The following DENND5B variants were observed in gnomAD, a reference collection of about 807,000 sequenced individuals.
DENND5B encodes DENN domain containing 5B, also known as DENN domain-containing protein 5B.
A neutral mutation model predicts 140.6 loss-of-function variants in DENND5B; 34 were observed. The ratio of observed to expected loss-of-function variants is 0.24; its 90% CI spans 0.18 to 0.32. The LOEUF (loss-of-function observed/expected upper bound fraction) is 0.32. Among genes scored for constraint, DENND5B ranks in the 10% least tolerant of loss-of-function variants. The pLI, the probability that DENND5B is intolerant of heterozygous loss-of-function variation, is 1.00. For synonymous variants in DENND5B, 551 were observed against 562.1 expected (o/e 0.98, Z 0.28); for missense variants, 1,142 against 1,560.2 (o/e 0.73, Z 4.52).
At chr12:31,517,621 G>T (rs1386217542) in intron 1 of DENND5B, among the ~76,000 whole-genome samples, 2 of 152,178 alleles carry the variant, frequency 1.3e-5, no homozygotes, top group African/African-American at 2.4e-5. Flanking sequence ...GTCTGTAAAA[G>T]AATTCACCTC....
chr12:31,495,710 G>T, intron 2 of DENND5B, 100 bp downstream of exon 2: 1 of 928,638 alleles, frequency 1.1e-6, no homozygotes, highest in South Asian at 2.0e-5. Flanking sequence ...AAGAATAAAT[G>T]AAATGAAATA....
At chr12:31,574,636 GA>G (rs1381818804) in intron 1 of DENND5B, among the ~76,000 whole-genome samples, 1 of 152,006 alleles carries the variant, frequency 6.6e-6, no homozygotes, top group Non-Finnish European at 1.5e-5. Flanking sequence ...GGGAATTTTG[GA>G]ATCACCAGTA....
In DENND5B at chr12:31,424,521, C is replaced by T. The variant is rs967306884; in HGVS notation, c.2391+14G>A. 1.2e-5 allele frequency: 19 copies of T among 1,611,184 alleles called. No individual in the cohort carries two copies. Among genetic ancestry groups the T allele is most frequent in the Non-Finnish European group, 1.4e-5 (17 of 1,178,852 alleles). The stretch of plus-strand genomic sequence containing the variant: ...TTAACTGGCCATGTCACCAGGACCT[C>T]CTAAAACTGTTACCTGCTTGACCTG... On this transcript the variant is annotated intron_variant, in intron 10 of 20. Coordinates refer to ENST00000389082, the MANE Select transcript of DENND5B (RefSeq NM_144973.4).
At chr12:31,494,131 CTCTATCTTCTATCTA>C (rs1376459812) in intron 2 of DENND5B, among the ~76,000 whole-genome samples, 1 of 149,494 alleles carries the variant, frequency 6.7e-6, no homozygotes, top group South Asian at 2.1e-4. Context: ...TTGACTATCT[CTCTATCTTCTATCTA>C]TCTATCTATC....
intron 3 of DENND5B, among the ~76,000 whole-genome samples, chr12:31,471,461 A>ATT (rs747862984): frequency 0.42 from 46,988 of 111,742 alleles, 10,942 homozygotes; most frequent in East Asian, 0.54. Context: ...CCATGCCTGT[A>ATT]TTTTTTTTTT....
chr12:31,399,751 T>A lies in DENND5B; in HGVS notation c.2971A>T (p.Thr991Ser). The A allele has an allele frequency of 6.2e-7, 1 of 1,613,680 alleles. No individual in the cohort carries two copies. The highest frequency in any genetic ancestry group is 8.5e-7 in the Non-Finnish European group (1 of 1,179,766). The change falls in exon 16 of 21, where the codon ACC becomes TCC. Residue 991 changes from threonine (T) to serine (S), a missense_variant. This residue lies in a region of DENND5B where 268 missense variants were observed against 349.2 expected (regional missense o/e 0.77). Coordinates refer to ENST00000389082, the MANE Select transcript of DENND5B (RefSeq NM_144973.4). ...TFECQNLGKL[T>S]TVQIGHDNSG... ...TTATCGTGACCAATCTGAACAGTGG[T>A]CAGCTTCCCCAAGTTCTGGCACTGT...
At chr12:31,558,554 T>C (rs1470429547) in intron 1 of DENND5B, among the ~76,000 whole-genome samples, 1 of 152,240 alleles carries the variant, frequency 6.6e-6, no homozygotes, top group Non-Finnish European at 1.5e-5. Context: ...CACAAACTTA[T>C]TTACAAAGTT....
chr12:31,523,490 T>C (rs1947977040), intron 1 of DENND5B, among the ~76,000 whole-genome samples: 1 of 152,164 alleles, frequency 6.6e-6, no homozygotes, highest in Non-Finnish European at 1.5e-5. Flanking sequence ...TAAGGCAACA[T>C]ATCTCTCATA....
intron 3 of DENND5B, among the ~76,000 whole-genome samples, 161 bp downstream of exon 3, chr12:31,479,428 A>T (rs1288458339): frequency 6.6e-6 from 1 of 152,232 alleles, no homozygotes; most frequent in Non-Finnish European, 1.5e-5. Flanking sequence ...GAGAAACAGC[A>T]GTCTCATCTC....
At chr12:31,461,442 C>A (rs1217127454) in intron 3 of DENND5B, among the ~76,000 whole-genome samples, 1 of 152,140 alleles carries the variant, frequency 6.6e-6, no homozygotes, top group Non-Finnish European at 1.5e-5. Context: ...AGTAAAGCAG[C>A]CTTTTAAACC....
rs80066090 is a variant in DENND5B, at chr12:31,412,910, T to G, written c.2681+526A>C. Among the ~76,000 whole-genome samples the G allele has an allele frequency of 2.0e-3, 298 of 152,306 alleles. 2 individuals are homozygous for G. In the East Asian group the frequency reaches 0.036, roughly 18 times the overall value. ...GTGAACTAGCCAGCTTTTTGCCTGATTCTGGCAGAGCAATCCGGCCTTTTT... is the reference window on the plus strand; with the variant it reads ...GTGAACTAGCCAGCTTTTTGCCTGAGTCTGGCAGAGCAATCCGGCCTTTTT... On this transcript the variant is annotated intron_variant, in intron 13 of 20. Transcript: ENST00000389082.
chr12:31,439,845 G>A (rs1356419517), intron 7 of DENND5B, among the ~76,000 whole-genome samples: 5 of 140,718 alleles, frequency 3.6e-5, no homozygotes, highest in Non-Finnish European at 4.5e-5. Flanking sequence ...CAGGAGAATC[G>A]CTTGAACCTG....
intron 1 of DENND5B, among the ~76,000 whole-genome samples, chr12:31,535,662 T>C (rs911442736): frequency 2.6e-5 from 4 of 152,024 alleles, no homozygotes; most frequent in Non-Finnish European, 5.9e-5. Context: ...CTGGAAAGCC[T>C]TCCTAAGAAG....
intron 1 of DENND5B, among the ~76,000 whole-genome samples, chr12:31,534,018 T>A (rs1027142700): frequency 6.6e-6 from 1 of 152,174 alleles, no homozygotes; most frequent in Non-Finnish European, 1.5e-5. Flanking sequence ...AAGACTTAAA[T>A]TTTGAGTTAC....
chr12:31,450,966 A>T (rs1944488259), intron 5 of DENND5B, among the ~76,000 whole-genome samples: 1 of 152,212 alleles, frequency 6.6e-6, no homozygotes, highest in Admixed American at 6.5e-5. Flanking sequence ...ATCACAGGAC[A>T]AGGAAAGCTG....
At chr12:31,403,107 G>T (rs1045719130) in intron 14 of DENND5B, among the ~76,000 whole-genome samples, 19 of 152,106 alleles carry the variant, frequency 1.2e-4, no homozygotes, top group Non-Finnish European at 2.8e-4. Context: ...AGTTTCTTGG[G>T]CAATGCTTTA....
chr12:31,534,368 C>T (rs1454108499), intron 1 of DENND5B, among the ~76,000 whole-genome samples: 1 of 151,940 alleles, frequency 6.6e-6, no homozygotes, highest in Admixed American at 6.6e-5. Flanking sequence ...TTAGTAGAGA[C>T]AGGGTTTCAC....
intron 3 of DENND5B, among the ~76,000 whole-genome samples, chr12:31,470,902 G>A: frequency 6.6e-6 from 1 of 152,188 alleles, no homozygotes; most frequent in Non-Finnish European, 1.5e-5. Context: ...CCACTCATGG[G>A]ATGGAGCAGT....
chr12:31,424,638 C>A lies in DENND5B; in HGVS notation c.2288G>T (p.Gly763Val). Residue 763 changes from glycine to valine, a missense_variant, in exon 10 of 21, where the codon GGC becomes GTC. This residue lies in a region of DENND5B where 33 missense variants were observed against 90.8 expected (regional missense o/e 0.36). Coordinates refer to ENST00000389082, the MANE Select transcript of DENND5B (RefSeq NM_144973.4). ...GCCGGTGATGTTTGCTTCTCCATGG[C>A]CAAGTTCCACCGCTTCATGTCCCAT... ...EKMGHEAVEL[G>V]HGEANITGLE... 6.2e-7 allele frequency: 1 copy of A among 1,613,926 alleles called. No homozygotes were observed. The highest frequency in any genetic ancestry group is 8.5e-7 in the Non-Finnish European group (1 of 1,179,858).
Sources: allele counts gnomAD v4.1 joint callset (sites outside exome capture counted in the v4.1 genomes callset), GRCh38; gene constraint gnomAD v4.1.1; regional missense constraint gnomAD v4.1.1; transcripts MANE v1.5; gene names NCBI Gene and HGNC (gene_info 2026-07-23, HGNC 2026-07-21).